The following GPC5 variants were observed in gnomAD, a reference collection of about 807,000 sequenced individuals.
The protein encoded by GPC5 is glypican 5.
A neutral mutation model predicts 53.9 loss-of-function variants in GPC5; 47 were observed. That is an observed-to-expected ratio of 0.87 (90% CI 0.69 to 1.11). The LOEUF is 1.11. Ranked by LOEUF, GPC5 falls within the 50% of genes most tolerant of loss-of-function variation. The probability of loss-of-function intolerance (pLI) is 0.00; values close to 1 mark genes in which losing one functional copy is unlikely to be tolerated. For synonymous variants in GPC5, 286 were observed against 263.3 expected (o/e 1.09, Z -0.84); for missense variants, 748 against 713.1 (o/e 1.05, Z -0.56).
intron 1 of GPC5, among the ~76,000 whole-genome samples, chr13:91,446,984 G>T (rs1335130929): frequency 6.6e-6 from 1 of 152,190 alleles, no homozygotes; most frequent in Non-Finnish European, 1.5e-5. Context: ...AACACAGAGA[G>T]CTGAAATAAG....
chr13:92,543,524 G>T (rs1289639634), intron 7 of GPC5, among the ~76,000 whole-genome samples: 2 of 151,864 alleles, frequency 1.3e-5, no homozygotes, highest in East Asian at 1.9e-4. Context: ...TTCAGCTCAG[G>T]CGTAGGGGAT....
intron 1 of GPC5, among the ~76,000 whole-genome samples, chr13:91,442,818 C>T (rs1050528411): frequency 6.6e-6 from 1 of 152,150 alleles, no homozygotes; most frequent in Non-Finnish European, 1.5e-5. Context: ...ATGCCTATAT[C>T]CATCAGTTCC....
At chr13:92,256,174 A>C (rs932264796) in intron 7 of GPC5, among the ~76,000 whole-genome samples, 1 of 151,692 alleles carries the variant, frequency 6.6e-6, no homozygotes, top group African/African-American at 2.4e-5. Context: ...ATATAGAGAG[A>C]TATAAATATA....
chr13:91,982,461 T>G (rs1566377245), intron 6 of GPC5, among the ~76,000 whole-genome samples: 1 of 145,496 alleles, frequency 6.9e-6, no homozygotes, highest in Non-Finnish European at 1.5e-5. Flanking sequence ...AACAAAATAA[T>G]AAAAAAGCTA....
At chr13:92,489,237 C>T (rs903788541) in intron 7 of GPC5, among the ~76,000 whole-genome samples, 10 of 152,128 alleles carry the variant, frequency 6.6e-5, no homozygotes, top group Non-Finnish European at 1.5e-4. Flanking sequence ...GTACATTTTA[C>T]CTATGTCCAT....
intron 7 of GPC5, among the ~76,000 whole-genome samples, chr13:92,845,842 G>A (rs1878594952): frequency 2.0e-5 from 3 of 151,584 alleles, no homozygotes; most frequent in African/African-American, 7.3e-5. Flanking sequence ...TAAGTTTATT[G>A]TAGCCTACAT....
At chr13:92,490,385 G>A (rs1047882252) in intron 7 of GPC5, among the ~76,000 whole-genome samples, 1 of 151,972 alleles carries the variant, frequency 6.6e-6, no homozygotes, top group African/African-American at 2.4e-5. Context: ...AAATGAACAC[G>A]AGATTAACTT....
intron 2 of GPC5, among the ~76,000 whole-genome samples, chr13:91,541,103 T>G (rs1030681703): frequency 6.6e-6 from 1 of 152,180 alleles, no homozygotes; most frequent in Non-Finnish European, 1.5e-5. Context: ...AAATCAGTGT[T>G]AAGTCATAAG....
chr13:92,750,214 A>G (rs2139323616), intron 7 of GPC5, among the ~76,000 whole-genome samples: 1 of 152,150 alleles, frequency 6.6e-6, no homozygotes, highest in Non-Finnish European at 1.5e-5. Flanking sequence ...AATTCCCAAG[A>G]CTCTAGAAAA....
At chr13:91,830,121 C>T (rs1300373041) in intron 5 of GPC5, among the ~76,000 whole-genome samples, 1 of 151,994 alleles carries the variant, frequency 6.6e-6, no homozygotes, top group African/African-American at 2.4e-5. Context: ...AGTCTACAGA[C>T]CATAAAAGAC....
chr13:91,969,172 T>C, intron 6 of GPC5, among the ~76,000 whole-genome samples: 1 of 152,056 alleles, frequency 6.6e-6, no homozygotes, highest in East Asian at 1.9e-4. Context: ...TTTCCCCATG[T>C]TGGTCAGGTT....
chr13:91,449,528 G>A (rs1052698350), intron 2 of GPC5, among the ~76,000 whole-genome samples: 5 of 152,058 alleles, frequency 3.3e-5, no homozygotes, highest in East Asian at 1.9e-4. Flanking sequence ...TCCCGACCCC[G>A]CAACAGGCCC....
intron 2 of GPC5, among the ~76,000 whole-genome samples, chr13:91,592,858 G>A (rs1006728187): frequency 1.1e-4 from 17 of 152,228 alleles, no homozygotes; most frequent in African/African-American, 3.6e-4. Context: ...TGGCAGGCAA[G>A]GGGCCTGAAG....
At chr13:92,744,157 G>C (rs570787636) in intron 7 of GPC5, among the ~76,000 whole-genome samples, 29 of 152,132 alleles carry the variant, frequency 1.9e-4, no homozygotes, top group African/African-American at 6.5e-4. Context: ...TCAAAAGTAA[G>C]TTCACTGGAT....
At chr13:91,796,046 C>T (rs58499122) in intron 5 of GPC5, among the ~76,000 whole-genome samples, 12,210 of 152,090 alleles carry the variant, frequency 0.08, 893 homozygotes, top group East Asian at 0.22. Flanking sequence ...TGGTGGCCAG[C>T]CACTCCCAAG....
At position 91,907,974 on chromosome 13, in the gene GPC5, C is replaced by G. The variant is rs764600232; in HGVS notation, c.1318C>G (p.Gln440Glu). ...TGTGGTTGGAAATGGAATCAAAGCC[C>G]AGTCTGGAAATCCTGAAGTCAAAGT... ...QRVVGNGIKA[Q>E]SGNPEVKVKG... The change falls in exon 6 of 8, where the codon CAG becomes GAG. Residue 440 changes from glutamine (Q) to glutamate (E), a missense_variant. Gln to Glu is a conservative substitution (Grantham distance 29). Transcript: ENST00000377067. The G allele has an allele frequency of 5.5e-5, 88 of 1,595,050 alleles. No homozygotes were observed. The highest frequency in any genetic ancestry group is 6.5e-5 in the Non-Finnish European group (77 of 1,178,350).
At chr13:91,909,959 A>G (rs9301762) in intron 6 of GPC5, among the ~76,000 whole-genome samples, 8,230 of 152,154 alleles carry the variant, frequency 0.054, 288 homozygotes, top group African/African-American at 0.085. Context: ...TAATCTTTCT[A>G]GGAATGTGAA....
At position 92,588,585 on chromosome 13, in the gene GPC5, A is replaced by G. The variant is rs1466390491; in HGVS notation, c.1562-277697A>G. On this transcript the variant is annotated intron_variant, in intron 7 of 7. Coordinates refer to ENST00000377067, the MANE Select transcript of GPC5 (RefSeq NM_004466.6). ...GTTGTTCAGCAGGTTTTCTCATCATATAATAACACTGTTAGTCTCTTTCTA... is the reference window on the plus strand; with the variant it reads ...GTTGTTCAGCAGGTTTTCTCATCATGTAATAACACTGTTAGTCTCTTTCTA... Among the ~76,000 whole-genome samples, 38 of 152,182 alleles carry G rather than the reference A, an allele frequency of 2.5e-4. 1 individual carries two copies. The highest frequency in any genetic ancestry group is 2.4e-3 in the Admixed American group (37 of 15,284).
intron 7 of GPC5, among the ~76,000 whole-genome samples, chr13:92,632,584 G>A (rs1470063394): frequency 6.6e-6 from 1 of 151,008 alleles, no homozygotes; most frequent in Admixed American, 6.6e-5. Flanking sequence ...ATATATGTAT[G>A]CACTAAGAAA....
Sources: allele counts gnomAD v4.1 joint callset (sites outside exome capture counted in the v4.1 genomes callset), GRCh38; gene constraint gnomAD v4.1.1; transcripts MANE v1.5; gene names NCBI Gene and HGNC (gene_info 2026-07-23, HGNC 2026-07-21).